The following FN3K variants were observed in gnomAD, a reference collection of about 807,000 sequenced individuals.
FN3K encodes the protein fructosamine-3-kinase.
A neutral mutation model predicts 24.8 loss-of-function variants in FN3K; 24 were observed. The observed-to-expected ratio is 0.97, with a 90% CI of 0.70 to 1.36. The LOEUF (loss-of-function observed/expected upper bound fraction) is 1.36. FN3K is among the 40% of genes most tolerant of loss of function. The probability of loss-of-function intolerance (pLI) is 0.00; values close to 1 mark genes in which losing one functional copy is unlikely to be tolerated. For synonymous variants in FN3K, 192 were observed against 175.2 expected (o/e 1.10, Z -0.76); for missense variants, 449 against 416.7 (o/e 1.08, Z -0.67).
rs568863539 is a variant in FN3K, at chr17:82,742,753, G to C, written c.468+1360G>C. On this transcript the variant is annotated intron_variant, in intron 4 of 5. Transcript: ENST00000300784. ...CAATATTGGACCATATTTTGGTTTTGTTAGGAACACAGCACCCATTATATA... is the reference window on the plus strand; with the variant it reads ...CAATATTGGACCATATTTTGGTTTTCTTAGGAACACAGCACCCATTATATA... 146 of 455,876 alleles carry C rather than the reference G, an allele frequency of 3.2e-4. 1 individual carries two copies. Among genetic ancestry groups the C allele is most frequent in the Non-Finnish European group, 4.5e-4 (102 of 226,858 alleles). 28.2% of individuals were successfully genotyped at this position (455,876 alleles called of 1,614,324 possible). A position where few individuals can be genotyped will look rare whatever the true frequency, so the allele number is the denominator to read the frequency against.
intron 4 of FN3K, among the ~76,000 whole-genome samples, chr17:82,744,658 C>A (rs774782976): frequency 9.1e-4 from 139 of 152,080 alleles, no homozygotes; most frequent in Non-Finnish European, 1.5e-3. Flanking sequence ...AACTAGCGTT[C>A]AGCATATGGA....
chr17:82,750,623 G>C lies in FN3K; in HGVS notation c.798G>C (p.Lys266Asn), dbSNP rs2047008909. Residue 266 changes from lysine (K) to asparagine (N), a missense_variant, in exon 6 of 6, where the codon AAG becomes AAC. Transcript: ENST00000300784. ...PRSFFTAYHRKIPKAPGFDQR... is the reference protein window; with the variant it reads ...PRSFFTAYHRNIPKAPGFDQR... ...CCTTCTTCACCGCCTACCACCGGAA[G>C]ATCCCCAAGGCTCCGGGCTTCGACC... 1.2e-6 allele frequency: 2 copies of C among 1,613,998 alleles called. No individual in the cohort carries two copies. The highest frequency in any genetic ancestry group is 2.7e-5 in the African/African-American group (2 of 74,916).
At chr17:82,738,423 A>G in intron 1 of FN3K, 66 bp from the exon 2 acceptor site, 1 of 1,603,978 alleles carries the variant, frequency 6.2e-7, no homozygotes, top group East Asian at 2.2e-5. Context: ...AGCTTCTGTC[A>G]AGGGCCCAGT....
intron 1 of FN3K, among the ~76,000 whole-genome samples, chr17:82,737,016 G>T (rs1017345199): frequency 6.6e-6 from 1 of 151,978 alleles, no homozygotes; most frequent in African/African-American, 2.4e-5. Context: ...GCAGCCCCAA[G>T]GCCGGGAGTT....
At position 82,735,776 on chromosome 17, in the gene FN3K, AG is replaced by A; in HGVS notation, c.141+1del. 5.1e-6 allele frequency: 8 copies of A among 1,557,764 alleles called. No individual in the cohort carries two copies. The highest frequency in any genetic ancestry group is 6.9e-6 in the Non-Finnish European group (8 of 1,152,546). On this transcript the variant is annotated frameshift_variant and splice_region_variant, in exon 1 of 6. Coordinates refer to ENST00000300784, the MANE Select transcript of FN3K (RefSeq NM_022158.4). LOFTEE classifies it high-confidence loss of function. ...PVFVKVNRRT[Q>X]ARQMFEGEVA... Reference sequence around the variant, plus strand: ...TTCGTCAAAGTCAACCGCAGGACGCAGGTGCTGGCCCGTGCGCAGGCGGGGG... The same window carrying A: ...TTCGTCAAAGTCAACCGCAGGACGCAGTGCTGGCCCGTGCGCAGGCGGGGG...
In FN3K at chr17:82,750,835, CCCCCGTCCCTGTCCCCCTGTTCCCGTCT is replaced by C. The variant is rs2047020386; in HGVS notation, c.*91_*118del. Reference sequence around the variant, plus strand: ...TGTCCCCCCGTCCCCCGTCCCTGTGCCCCCGTCCCTGTCCCCCTGTTCCCGTCTCCCCGTCCCTCCGTCTCCATCCCCC... The same window carrying C: ...TGTCCCCCCGTCCCCCGTCCCTGTGCCCCCGTCCCTCCGTCTCCATCCCCC... On this transcript the variant is annotated 3_prime_UTR_variant, in exon 6 of 6. Coordinates refer to ENST00000300784, the MANE Select transcript of FN3K (RefSeq NM_022158.4). 1.4e-5 allele frequency: 15 copies of C among 1,107,206 alleles called. No homozygotes were observed. The highest frequency in any genetic ancestry group is 4.6e-5 in the Admixed American group (2 of 43,726). 68.6% of individuals were successfully genotyped at this position (1,107,206 alleles called of 1,614,324 possible).
intron 4 of FN3K, chr17:82,741,650 T>C: frequency 2.2e-6 from 1 of 449,886 alleles, no homozygotes; most frequent in South Asian, 2.0e-5. Context: ...AAAGGTTGTG[T>C]TGCACAAGGC....
intron 4 of FN3K, among the ~76,000 whole-genome samples, chr17:82,747,938 G>A (rs1467827349): frequency 6.6e-6 from 1 of 152,130 alleles, no homozygotes; most frequent in Non-Finnish European, 1.5e-5. Flanking sequence ...GAACGGGGGT[G>A]GGCACCATTG....
At chr17:82,746,007 T>C (rs540895579) in intron 4 of FN3K, among the ~76,000 whole-genome samples, 1 of 144,918 alleles carries the variant, frequency 6.9e-6, no homozygotes, top group South Asian at 2.2e-4. Flanking sequence ...GGCAGGAGAA[T>C]GGCGTGAACT....
chr17:82,744,218 A>G (rs1344870428), intron 4 of FN3K, among the ~76,000 whole-genome samples: 1 of 152,136 alleles, frequency 6.6e-6, no homozygotes, highest in African/African-American at 2.4e-5. Context: ...GCCACTGACC[A>G]GGGCGGTCCT....
intron 4 of FN3K, among the ~76,000 whole-genome samples, chr17:82,743,322 A>C (rs2143646322): frequency 6.6e-6 from 1 of 152,332 alleles, no homozygotes; most frequent in South Asian, 2.1e-4. Context: ...GAGCACAGGG[A>C]GCCCCTCAAT....
chr17:82,736,016 T>C (rs1291914928), intron 1 of FN3K: 5 of 531,642 alleles, frequency 9.4e-6, no homozygotes, highest in Non-Finnish European at 1.6e-5. Flanking sequence ...GGGGTGGTTT[T>C]AACTTTCCTA....
At position 82,750,675 on chromosome 17, in the gene FN3K, A is replaced by C. The variant is rs747179341; in HGVS notation, c.850A>C (p.Asn284His). 5 of 1,613,804 alleles carry C rather than the reference A, an allele frequency of 3.1e-6. No homozygotes were observed. The highest frequency in any genetic ancestry group is 4.2e-6 in the Non-Finnish European group (5 of 1,179,962). Reference sequence around the variant, plus strand: ...GCGGCTGCTGCTCTACCAGCTGTTTAACTACCTGAACCACTGGAACCACTT... The same window carrying C: ...GCGGCTGCTGCTCTACCAGCTGTTTCACTACCTGAACCACTGGAACCACTT... ...DQRLLLYQLFNYLNHWNHFGR... is the reference protein window; with the variant it reads ...DQRLLLYQLFHYLNHWNHFGR... The change falls in exon 6 of 6, where the codon AAC becomes CAC. Residue 284 changes from asparagine (N) to histidine (H), a missense_variant. By Grantham distance (68) the Asn-to-His change is moderately conservative (BLOSUM62 1). Transcript: ENST00000300784.
chr17:82,740,902 A>G (rs879200738), intron 3 of FN3K, 48 bp downstream of exon 3: 3 of 1,291,860 alleles, frequency 2.3e-6, no homozygotes, highest in Non-Finnish European at 2.3e-6. Context: ...CACATTGTCT[A>G]CCCTAGATGG....
At chr17:82,742,764 A>C in intron 4 of FN3K, 2 of 451,898 alleles carry the variant, frequency 4.4e-6, no homozygotes, top group Non-Finnish European at 8.9e-6. Context: ...TTAGGAACAC[A>C]GCACCCATTA....
intron 4 of FN3K, 52 bp from the exon 5 acceptor site, chr17:82,748,803 G>A: frequency 1.2e-6 from 2 of 1,611,516 alleles, no homozygotes; most frequent in Non-Finnish European, 1.7e-6. Flanking sequence ...TAGGGTTTAG[G>A]CAGCACTTGG....
At chr17:82,744,125 T>C (rs954206723) in intron 4 of FN3K, among the ~76,000 whole-genome samples, 1 of 151,940 alleles carries the variant, frequency 6.6e-6, no homozygotes, top group Non-Finnish European at 1.5e-5. Flanking sequence ...TCCATCCTGC[T>C]CTTGAGGTGC....
intron 1 of FN3K, among the ~76,000 whole-genome samples, chr17:82,737,210 G>A (rs2143637653): frequency 6.6e-6 from 1 of 152,334 alleles, no homozygotes; most frequent in South Asian, 2.1e-4. Flanking sequence ...GTGTGCACCA[G>A]CAGATGCTTT....
At chr17:82,742,481 T>C (rs1472138805) in intron 4 of FN3K, among the ~76,000 whole-genome samples, 1 of 152,244 alleles carries the variant, frequency 6.6e-6, no homozygotes. Context: ...ACACATAATA[T>C]GTGATCTTTT....
Sources: allele counts gnomAD v4.1 joint callset (sites outside exome capture counted in the v4.1 genomes callset), GRCh38; gene constraint gnomAD v4.1.1; transcripts MANE v1.5; gene names NCBI Gene and HGNC (gene_info 2026-07-23, HGNC 2026-07-21).